BBX: variants seen among roughly 807,000 people sequenced by gnomAD.
BBX encodes the protein BBX high mobility group box domain containing.
Under a neutral mutation model 100.2 loss-of-function variants are expected in BBX, and 30 were observed. That is an observed-to-expected ratio of 0.30 (90% CI 0.22 to 0.41). BBX has a LOEUF of 0.41. BBX is among the 10% of genes least tolerant of loss of function. The pLI, the probability that BBX is intolerant of heterozygous loss-of-function variation, is 1.00. For synonymous variants in BBX, 376 were observed against 388.1 expected (o/e 0.97, Z 0.37); for missense variants, 1,023 against 1,129.8 (o/e 0.91, Z 1.35).
intron 3 of BBX, among the ~76,000 whole-genome samples, chr3:107,696,422 G>C (rs200972434): frequency 0.021 from 3,115 of 151,412 alleles, 109 homozygotes; most frequent in Admixed American, 0.089. Context: ...GCATTTGCTT[G>C]TCTGTAAAGT....
At chr3:107,774,973 C>A in intron 12 of BBX, 116 bp downstream of exon 12, 2 of 1,259,974 alleles carry the variant, frequency 1.6e-6, no homozygotes, top group Non-Finnish European at 2.1e-6. Context: ...TCGCTCAGGA[C>A]TTCCTACAAT....
At chr3:107,534,467 C>CCCTCCCTTCTTCTCTTCTTCTT (rs2048359163) in intron 2 of BBX, among the ~76,000 whole-genome samples, 1 of 152,060 alleles carries the variant, frequency 6.6e-6, no homozygotes, top group African/African-American at 2.4e-5. Context: ...CCCTTCTTTT[C>CCCTCCCTTCTTCTCTTCTTCTT]CCTCCCTCCT....
chr3:107,579,778 G>C (rs1212221756), intron 2 of BBX, among the ~76,000 whole-genome samples: 6 of 152,184 alleles, frequency 3.9e-5, no homozygotes, highest in Non-Finnish European at 8.8e-5. Context: ...GTTTTAGTTG[G>C]ATATCGAGCT....
At chr3:107,755,914 T>G (rs2065437319) in intron 10 of BBX, among the ~76,000 whole-genome samples, 1 of 152,176 alleles carries the variant, frequency 6.6e-6, no homozygotes, top group East Asian at 1.9e-4. Flanking sequence ...TCACAGGTAG[T>G]ATTTTAAAAT....
At chr3:107,626,786 C>T (rs1232791793) in intron 2 of BBX, among the ~76,000 whole-genome samples, 2 of 151,770 alleles carry the variant, frequency 1.3e-5, no homozygotes, top group African/African-American at 4.8e-5. Flanking sequence ...TCCCGAGTAA[C>T]TGGGATTACA....
In BBX at chr3:107,732,975, C is replaced by G. The variant is rs761198102; in HGVS notation, c.621C>G (p.Gly207=). Residue 207 remains glycine, a synonymous_variant, in exon 7 of 18, where the codon GGC becomes GGG. Transcript: ENST00000325805. ...ATTTAGATCCTACTCAAATGGGAGG[C>G]CTGAGTATGCTGCTGTTAGCTGGAG... is the stretch of plus-strand genomic sequence containing the variant. ...FGMADPTQMG[G]LSMLLLAGEH... The G allele has an allele frequency of 6.2e-7, 1 of 1,613,138 alleles. No individual in the cohort carries two copies. Among genetic ancestry groups the G allele is most frequent in the Non-Finnish European group, 8.5e-7 (1 of 1,179,576 alleles).
At chr3:107,766,696 C>T (rs754598421) in intron 10 of BBX, among the ~76,000 whole-genome samples, 17 of 152,060 alleles carry the variant, frequency 1.1e-4, no homozygotes, top group Non-Finnish European at 2.2e-4. Flanking sequence ...CCCAGCAATC[C>T]CATTACTGGG....
intron 2 of BBX, among the ~76,000 whole-genome samples, chr3:107,616,103 G>T (rs911500187): frequency 1.6e-5 from 2 of 126,702 alleles, no homozygotes; most frequent in Non-Finnish European, 3.2e-5. Context: ...AGATAATTTT[G>T]GATTCACATG....
At chr3:107,661,265 C>T (rs1358834270) in intron 3 of BBX, among the ~76,000 whole-genome samples, 1 of 151,738 alleles carries the variant, frequency 6.6e-6, no homozygotes, top group Non-Finnish European at 1.5e-5. Context: ...TTTACAAAAC[C>T]AGTTTGGATT....
intron 3 of BBX, among the ~76,000 whole-genome samples, chr3:107,703,761 T>A (rs1034506143): frequency 6.6e-6 from 1 of 152,244 alleles, no homozygotes; most frequent in Admixed American, 6.5e-5. Context: ...CAGTTTAGAA[T>A]TGTCATTAGA....
chr3:107,749,566 A>G (rs892953403), intron 9 of BBX, among the ~76,000 whole-genome samples: 4 of 152,046 alleles, frequency 2.6e-5, no homozygotes, highest in Non-Finnish European at 5.9e-5. Context: ...AAATACCAGT[A>G]TGGAATATCT....
chr3:107,612,236 G>A (rs2054895272), intron 2 of BBX, among the ~76,000 whole-genome samples: 1 of 152,038 alleles, frequency 6.6e-6, no homozygotes, highest in African/African-American at 2.4e-5. Context: ...TTGGCCCCTG[G>A]TGCCTTAGTT....
At chr3:107,658,068 G>T (rs180796051) in intron 3 of BBX, among the ~76,000 whole-genome samples, 31 of 152,176 alleles carry the variant, frequency 2.0e-4, no homozygotes, top group African/African-American at 7.5e-4. Flanking sequence ...AACCTTTGGA[G>T]AAAGCAGTTT....
chr3:107,713,275 T>G (rs1020991473), intron 4 of BBX, among the ~76,000 whole-genome samples: 7 of 152,194 alleles, frequency 4.6e-5, no homozygotes, highest in Non-Finnish European at 1.0e-4. Flanking sequence ...CTATCCCTTT[T>G]TTGCCTGGAC....
At chr3:107,527,342 T>C (rs948618833) in intron 2 of BBX, among the ~76,000 whole-genome samples, 19 of 152,216 alleles carry the variant, frequency 1.2e-4, no homozygotes, top group African/African-American at 4.3e-4. Context: ...GAGATTGTAT[T>C]TTGTGAATGA....
chr3:107,714,713 C>T (rs930119017), intron 4 of BBX, among the ~76,000 whole-genome samples: 2 of 152,138 alleles, frequency 1.3e-5, no homozygotes, highest in East Asian at 1.9e-4. Context: ...GCTATGACCT[C>T]AAGATTTTTT....
chr3:107,556,521 T>C (rs901351948), intron 2 of BBX, among the ~76,000 whole-genome samples: 1 of 152,166 alleles, frequency 6.6e-6, no homozygotes, highest in African/African-American at 2.4e-5. Flanking sequence ...TCTGCAGTTA[T>C]TCCTTTGATT....
In BBX at chr3:107,756,568, A is replaced by G. The variant is rs1203272205; in HGVS notation, c.906+890A>G. Reference sequence around the variant, plus strand: ...TTCTAAAATTGCTAAATTTTATGGTAATTTGTATCATAAAACTTATGCACT... The same window carrying G: ...TTCTAAAATTGCTAAATTTTATGGTGATTTGTATCATAAAACTTATGCACT... On this transcript the variant is annotated intron_variant, in intron 10 of 17. Transcript: ENST00000325805. Among the ~76,000 whole-genome samples, 38 of 152,176 alleles carry G rather than the reference A, an allele frequency of 2.5e-4. 1 individual carries two copies. Among genetic ancestry groups the G allele is most frequent in the Admixed American group, 2.5e-3 (38 of 15,276 alleles).
intron 3 of BBX, among the ~76,000 whole-genome samples, chr3:107,652,988 C>G (rs2057929561): frequency 6.6e-6 from 1 of 152,150 alleles, no homozygotes; most frequent in African/African-American, 2.4e-5. Context: ...GCATCTGGTA[C>G]ATAGAAGTTG....
Sources: allele counts gnomAD v4.1 joint callset (sites outside exome capture counted in the v4.1 genomes callset), GRCh38; gene constraint gnomAD v4.1.1; transcripts MANE v1.5; gene names NCBI Gene and HGNC (gene_info 2026-07-23, HGNC 2026-07-21).